ZNF564: variants seen among roughly 807,000 people sequenced by gnomAD.
ZNF564 encodes zinc finger protein 564.
ZNF564 carries 5 observed loss-of-function variants against 10.5 expected under a neutral mutation model. The observed-to-expected ratio is 0.48, with a 90% CI of 0.25 to 1.00. The LOEUF (loss-of-function observed/expected upper bound fraction) is 1.00, where lower values mean the gene tolerates loss of function less well. Ranked by LOEUF, ZNF564 falls within the 50% of genes least tolerant of loss-of-function variation. The pLI, the probability that ZNF564 is intolerant of heterozygous loss-of-function variation, is 0.16. For missense variants in ZNF564, 603 were observed against 669.7 expected (o/e 0.90, Z 1.10); for synonymous variants, 242 against 218.1 (o/e 1.11, Z -0.97).
chr19:12,550,402 T>C (rs2022230799), intron 1 of ZNF564: 1 of 166,716 alleles, frequency 6.0e-6, no homozygotes. Flanking sequence ...ACGTCTGTAA[T>C]ACCAGCATTT....
chr19:12,543,926 G>A (rs1233113613), intron 1 of ZNF564, among the ~76,000 whole-genome samples: 2 of 152,092 alleles, frequency 1.3e-5, no homozygotes, highest in Admixed American at 6.6e-5. Context: ...GAAATGACAG[G>A]AGACAGCTTG....
intron 1 of ZNF564, among the ~76,000 whole-genome samples, chr19:12,540,593 G>A (rs987712656): frequency 6.6e-6 from 1 of 152,028 alleles, no homozygotes; most frequent in South Asian, 2.1e-4. Context: ...GGTAGCTCAT[G>A]CCTGTAATCC....
In ZNF564 at chr19:12,526,126, C is replaced by T. The variant is rs2021675571; in HGVS notation, c.*320G>A. ...AATATATTCATCTCATCCCAAAGGC[C>T]TCAAAAGTCTCAGTTAATTCCAGCA... On this transcript the variant is annotated 3_prime_UTR_variant, in exon 4 of 4. Coordinates refer to ENST00000339282, the MANE Select transcript of ZNF564 (RefSeq NM_144976.4). 8.9e-6 allele frequency: 2 copies of T among 224,952 alleles called. No individual in the cohort carries two copies. Among genetic ancestry groups the T allele is most frequent in the Admixed American group, 5.1e-5 (1 of 19,752 alleles). The allele number at this position is 224,952 out of a possible 1,614,324, so 13.9% of individuals were successfully genotyped here.
chr19:12,537,703 A>C (rs1420410835), intron 1 of ZNF564, among the ~76,000 whole-genome samples: 1 of 146,098 alleles, frequency 6.8e-6, no homozygotes, highest in Non-Finnish European at 1.5e-5. Context: ...TCGCCATTGC[A>C]CTCCCGCCTG....
intron 1 of ZNF564, among the ~76,000 whole-genome samples, chr19:12,542,224 G>T (rs1014038521): frequency 7.0e-6 from 1 of 142,392 alleles, no homozygotes; most frequent in Admixed American, 7.4e-5. Flanking sequence ...CACAAGAATT[G>T]CTTGAACCGG....
At chr19:12,529,026 C>T (rs1384676568) in intron 1 of ZNF564, among the ~76,000 whole-genome samples, 7 of 152,188 alleles carry the variant, frequency 4.6e-5, no homozygotes, top group Non-Finnish European at 8.8e-5. Context: ...GATCACGCCA[C>T]TGCACTTCAG....
intron 1 of ZNF564, chr19:12,530,386 C>T (rs1022783000): frequency 6.6e-6 from 1 of 152,244 alleles, no homozygotes; most frequent in African/African-American, 2.4e-5. Flanking sequence ...TAGGCAGCGC[C>T]CCCTCACCCA....
intron 1 of ZNF564, among the ~76,000 whole-genome samples, chr19:12,538,910 C>T (rs1040200292): frequency 1.3e-5 from 2 of 152,016 alleles, no homozygotes; most frequent in African/African-American, 4.8e-5. Context: ...AACTAATACA[C>T]TACACTAACG....
In ZNF564 at chr19:12,528,626, T is replaced by C. The variant is rs369455364; in HGVS notation, c.74A>G (p.Gln25Arg). The C allele has an allele frequency of 1.2e-6, 2 of 1,613,904 alleles. No individual in the cohort carries two copies. Among genetic ancestry groups the C allele is most frequent in the Non-Finnish European group, 1.7e-6 (2 of 1,180,004 alleles). ...CATCACATCTCTGTAGAGTTTCTTC[T>C]GGGAAGGATCCAGCAAAGCCCACTC... ...LEEWALLDPS[Q>R]KKLYRDVMRE... Residue 25 changes from glutamine (Q) to arginine (R), a missense_variant, in exon 2 of 4, where the codon CAG (glutamine) becomes CGG (arginine). Coordinates refer to ENST00000339282, the MANE Select transcript of ZNF564 (RefSeq NM_144976.4).
intron 1 of ZNF564, among the ~76,000 whole-genome samples, chr19:12,537,027 C>T (rs2021929678): frequency 6.6e-6 from 1 of 152,174 alleles, no homozygotes; most frequent in Non-Finnish European, 1.5e-5. Flanking sequence ...CTTTCGGTCT[C>T]TATAGATTTT....
At chr19:12,543,804 T>C (rs964583430) in intron 1 of ZNF564, among the ~76,000 whole-genome samples, 1 of 152,028 alleles carries the variant, frequency 6.6e-6, no homozygotes, top group Non-Finnish European at 1.5e-5. Context: ...ATTCATATAC[T>C]GAAATTCTAA....
At chr19:12,529,896 A>C (rs908423419) in intron 1 of ZNF564, 1 of 151,066 alleles carries the variant, frequency 6.6e-6, no homozygotes, top group Non-Finnish European at 1.5e-5. Flanking sequence ...AGGAAGGAGA[A>C]TCGCTTGAGA....
At chr19:12,527,968 A>G (rs1272332757) in intron 3 of ZNF564, 52 bp from the exon 4 acceptor site, 1 of 1,514,942 alleles carries the variant, frequency 6.6e-7, no homozygotes, top group Non-Finnish European at 8.9e-7. Context: ...ATATTTATTA[A>G]TAGGTATTCG....
chr19:12,528,369 AAT>A lies in ZNF564; in HGVS notation c.131-7_131-6del, dbSNP rs1491309281. ...TCTGGTCTTCCCATTTTTTTCCTAA[AAT>A]ATAGTCAGAAAAAATCCTTATGAAC... On this transcript the variant is annotated splice_region_variant and splice_polypyrimidine_tract_variant and intron_variant, in intron 2 of 3. Coordinates refer to ENST00000339282, the MANE Select transcript of ZNF564 (RefSeq NM_144976.4). The A allele has an allele frequency of 2.5e-6, 4 of 1,601,412 alleles. No homozygotes were observed. The highest frequency in any genetic ancestry group is 2.7e-5 in the African/African-American group (2 of 73,882).
At chr19:12,540,401 A>G (rs2022018829) in intron 1 of ZNF564, among the ~76,000 whole-genome samples, 1 of 152,204 alleles carries the variant, frequency 6.6e-6, no homozygotes. Flanking sequence ...AATTTTGAGC[A>G]TCAAGCCATT....
chr19:12,545,239 G>T (rs2022128158), intron 1 of ZNF564, among the ~76,000 whole-genome samples: 1 of 138,054 alleles, frequency 7.2e-6, no homozygotes, highest in Non-Finnish European at 1.5e-5. Context: ...TCCAGCCTGG[G>T]CAACAAGAGC....
chr19:12,534,030 C>A (rs1159389220), intron 1 of ZNF564, among the ~76,000 whole-genome samples: 1 of 152,032 alleles, frequency 6.6e-6, no homozygotes, highest in Non-Finnish European at 1.5e-5. Flanking sequence ...CATCCACTCA[C>A]GGTGGCAAAC....
In ZNF564 at chr19:12,551,311, C is replaced by G; in HGVS notation, c.3+19G>C. The G allele has an allele frequency of 6.2e-7, 1 of 1,606,378 alleles. No individual in the cohort carries two copies. The highest frequency in any genetic ancestry group is 8.5e-7 in the Non-Finnish European group (1 of 1,176,628). On this transcript the variant is annotated intron_variant, in intron 1 of 3. Transcript: ENST00000339282. ...AAGCCCCTCCCCCAGTCTCCAGGCG[C>G]CCGGCCCCGCACACGCACCATTTCC... is the stretch of plus-strand genomic sequence containing the variant.
At chr19:12,542,394 A>G (rs2022073306) in intron 1 of ZNF564, among the ~76,000 whole-genome samples, 1 of 151,834 alleles carries the variant, frequency 6.6e-6, no homozygotes, top group Non-Finnish European at 1.5e-5. Flanking sequence ...CTGGGAGGCC[A>G]AGGTAGGAGG....
Sources: gnomAD v4.1 joint callset for allele counts (sites outside exome capture counted in the v4.1 genomes callset) on GRCh38, gnomAD v4.1.1 for gene constraint, MANE v1.5 for transcripts, NCBI Gene and HGNC (gene_info 2026-07-23, HGNC 2026-07-21) for gene names.